Variants in KCNU1 observed in about 807,000 individuals in gnomAD.
The protein encoded by KCNU1 is potassium calcium-activated channel subfamily U member 1.
A neutral mutation model predicts 126.8 loss-of-function variants in KCNU1; 93 were observed. The observed-to-expected ratio is 0.73, with a 90% CI of 0.62 to 0.87. The LOEUF is 0.87. Ranked by LOEUF, KCNU1 falls within the 40% of genes least tolerant of loss-of-function variation. The pLI is 0.00. For synonymous variants in KCNU1, 523 were observed against 494.2 expected (o/e 1.06, Z -0.77); for missense variants, 1,330 against 1,367.1 (o/e 0.97, Z 0.43).
chr8:36,845,687 T>C lies in KCNU1; in HGVS notation c.1793+18T>C. The C allele has an allele frequency of 6.4e-7, 1 of 1,565,802 alleles. No homozygotes were observed. The highest frequency in any genetic ancestry group is 8.8e-7 in the Non-Finnish European group (1 of 1,136,220). On this transcript the variant is annotated intron_variant, in intron 17 of 26. Transcript: ENST00000399881. ...GTCAGAAGGTAATTTTATTATTTTA[T>C]GGGGGAAAAGCACTAAAGCAACTAC... is the stretch of plus-strand genomic sequence containing the variant.
At position 36,918,810 on chromosome 8, in the gene KCNU1, T is replaced by G. The variant is rs939492416; in HGVS notation, c.2522-13T>G. On this transcript the variant is annotated splice_polypyrimidine_tract_variant and intron_variant, in intron 22 of 26. Transcript: ENST00000399881. ...ATTGTGTTTGCATTTATCACCTCTT[T>G]TCTTCTTTGCAGAGGAGACTCCAGG... 3 of 1,553,138 alleles carry G rather than the reference T, an allele frequency of 1.9e-6. No individual in the cohort carries two copies. In the African/African-American group the frequency reaches 4.1e-5, roughly 21 times the overall value.
intron 2 of KCNU1, among the ~76,000 whole-genome samples, chr8:36,796,340 T>C (rs1803098460): frequency 6.6e-6 from 1 of 152,300 alleles, no homozygotes; most frequent in East Asian, 1.9e-4. Context: ...TTTACTACCA[T>C]GTAATGGTAT....
At chr8:36,900,336 A>T (rs181560555) in intron 19 of KCNU1, among the ~76,000 whole-genome samples, 1 of 152,216 alleles carries the variant, frequency 6.6e-6, no homozygotes, top group African/African-American at 2.4e-5. Context: ...AACTATATAA[A>T]ATTATCAATT....
chr8:36,839,326 T>C (rs1804866781), intron 14 of KCNU1, among the ~76,000 whole-genome samples: 1 of 152,202 alleles, frequency 6.6e-6, no homozygotes, highest in Admixed American at 6.5e-5. Context: ...TTTTTAAATC[T>C]ATCTCTGGAA....
At chr8:36,922,415 TG>T (rs1328234030) in intron 23 of KCNU1, 74 bp from the exon 24 acceptor site, 1 of 1,490,188 alleles carries the variant, frequency 6.7e-7, no homozygotes, top group Non-Finnish European at 9.1e-7. Context: ...GGTCGCCCCT[TG>T]GCCTGCATGG....
At chr8:36,912,850 C>T (rs984190895) in intron 22 of KCNU1, among the ~76,000 whole-genome samples, 1 of 150,232 alleles carries the variant, frequency 6.7e-6, no homozygotes, top group African/African-American at 2.5e-5. Context: ...CGCCTGTAAT[C>T]CCAGCTACTC....
intron 23 of KCNU1, among the ~76,000 whole-genome samples, chr8:36,920,964 G>A (rs1808321341): frequency 6.6e-6 from 1 of 152,158 alleles, no homozygotes; most frequent in South Asian, 2.1e-4. Flanking sequence ...AGCAAGCAAT[G>A]GATTCTGAGT....
intron 5 of KCNU1, among the ~76,000 whole-genome samples, chr8:36,806,927 ACAT>A (rs1803522820): frequency 6.6e-6 from 1 of 152,184 alleles, no homozygotes; most frequent in Non-Finnish European, 1.5e-5. Context: ...CTAAAGTAAA[ACAT>A]CATACAAACA....
At chr8:36,839,596 T>C (rs149756106) in intron 14 of KCNU1, among the ~76,000 whole-genome samples, 423 of 152,342 alleles carry the variant, frequency 2.8e-3, no homozygotes, top group Non-Finnish European at 5.0e-3. Context: ...TGTTTGTCTA[T>C]GTGTTTGTTT....
At chr8:36,892,742 G>A (rs1193638305) in intron 19 of KCNU1, among the ~76,000 whole-genome samples, 1 of 151,992 alleles carries the variant, frequency 6.6e-6, no homozygotes, top group African/African-American at 2.4e-5. Flanking sequence ...TGTGCATGTT[G>A]AGGTAATTCC....
intron 2 of KCNU1, among the ~76,000 whole-genome samples, chr8:36,790,565 TA>T (rs1207135092): frequency 6.6e-6 from 1 of 151,990 alleles, no homozygotes; most frequent in Non-Finnish European, 1.5e-5. Context: ...TGAAAATATA[TA>T]TGTAATTAAT....
At chr8:36,804,807 A>G (rs768106954) in intron 3 of KCNU1, among the ~76,000 whole-genome samples, 5 of 152,272 alleles carry the variant, frequency 3.3e-5, no homozygotes, top group East Asian at 1.9e-4. Flanking sequence ...GTTCAGATCA[A>G]TCCATTTGAT....
chr8:36,852,092 T>C (rs1043333723), intron 18 of KCNU1, among the ~76,000 whole-genome samples: 59 of 152,286 alleles, frequency 3.9e-4, no homozygotes, highest in Admixed American at 3.3e-3. Flanking sequence ...TGAATGGCTT[T>C]GATGTTTGTC....
chr8:36,857,621 G>A (rs915542346), intron 18 of KCNU1, among the ~76,000 whole-genome samples: 1 of 134,764 alleles, frequency 7.4e-6, no homozygotes, highest in African/African-American at 2.5e-5. Context: ...TTTGTTTGTT[G>A]TTTGTTTTTT....
At chr8:36,802,349 A>C (rs775362876) in intron 2 of KCNU1, among the ~76,000 whole-genome samples, 1 of 152,158 alleles carries the variant, frequency 6.6e-6, no homozygotes, top group Non-Finnish European at 1.5e-5. Flanking sequence ...GGGACCACTC[A>C]GAAATCTCAG....
At chr8:36,897,511 A>T (rs1367911016) in intron 19 of KCNU1, among the ~76,000 whole-genome samples, 1 of 152,122 alleles carries the variant, frequency 6.6e-6, no homozygotes, top group Non-Finnish European at 1.5e-5. Flanking sequence ...AGAGCCACAC[A>T]TCAGGAAAGC....
intron 18 of KCNU1, among the ~76,000 whole-genome samples, chr8:36,852,065 G>C (rs566776679): frequency 6.6e-6 from 1 of 151,944 alleles, no homozygotes; most frequent in Non-Finnish European, 1.5e-5. Flanking sequence ...TTCCTATATT[G>C]TCAAGGTTTT....
intron 2 of KCNU1, among the ~76,000 whole-genome samples, chr8:36,801,790 T>C (rs565402401): frequency 6.6e-6 from 1 of 152,154 alleles, no homozygotes; most frequent in South Asian, 2.1e-4. Flanking sequence ...ACTATCTTCA[T>C]CAACACTTAA....
chr8:36,792,307 A>G (rs188246570), intron 2 of KCNU1, among the ~76,000 whole-genome samples: 5 of 152,308 alleles, frequency 3.3e-5, no homozygotes, highest in East Asian at 3.9e-4. Flanking sequence ...TTGTATCTAT[A>G]AATAAAAATT....
Sources: allele counts gnomAD v4.1 joint callset (sites outside exome capture counted in the v4.1 genomes callset), GRCh38; gene constraint gnomAD v4.1.1; transcripts MANE v1.5; gene names NCBI Gene and HGNC (gene_info 2026-07-23, HGNC 2026-07-21).